Variants in NALF1 observed in about 807,000 individuals in gnomAD.
NALF1 encodes NALCN channel auxiliary factor 1.
Under a neutral mutation model 48.4 loss-of-function variants are expected in NALF1, and 3 were observed. The observed-to-expected ratio is 0.06, with a 90% confidence interval of 0.03 to 0.16. The LOEUF (loss-of-function observed/expected upper bound fraction) is 0.16. Among genes scored for constraint, NALF1 ranks in the 10% least tolerant of loss-of-function variants. NALF1 has a pLI of 1.00. For missense variants in NALF1, 526 were observed against 571.5 expected, an observed-to-expected ratio of 0.92 and a Z score of 0.81; for synonymous variants, 262 against 245.7, an observed-to-expected ratio of 1.07 and a Z score of -0.62.
In NALF1 at chr13:107,642,508, G is replaced by A. The variant is rs535042797; in HGVS notation, c.915+223174C>T. 2.0e-5 allele frequency among the ~76,000 whole-genome samples: 3 copies of A among 152,266 alleles called. No individual in the cohort carries two copies. The South Asian group carries it at 6.2e-4, about 32-fold the overall frequency. ...ACATTGCATGTTGCTGAGCTGAAAT[G>A]GTCTATTTTGTTTATTCACAACAAT... On this transcript the variant is annotated intron_variant, in intron 1 of 2. Coordinates refer to ENST00000375915, the MANE Select transcript of NALF1 (RefSeq NM_001080396.3).
chr13:107,835,871 G>C (rs956012761), intron 1 of NALF1, among the ~76,000 whole-genome samples: 1 of 152,108 alleles, frequency 6.6e-6, no homozygotes, highest in African/African-American at 2.4e-5. Context: ...ATCGGGGTGA[G>C]AGAAGATTAA....
At chr13:107,194,604 T>C (rs928305376) in intron 2 of NALF1, among the ~76,000 whole-genome samples, 32 of 152,146 alleles carry the variant, frequency 2.1e-4, no homozygotes, top group Non-Finnish European at 4.1e-4. Flanking sequence ...ATCTAAAACC[T>C]GAAACCACAA....
At chr13:107,179,737 G>C (rs1879023433) in intron 2 of NALF1, among the ~76,000 whole-genome samples, 1 of 151,364 alleles carries the variant, frequency 6.6e-6, no homozygotes, top group Non-Finnish European at 1.5e-5. Flanking sequence ...TGAGATCAAG[G>C]TGTGGGCAGG....
intron 1 of NALF1, among the ~76,000 whole-genome samples, chr13:107,835,793 T>C (rs1215998189): frequency 1.3e-5 from 2 of 152,266 alleles, no homozygotes; most frequent in East Asian, 3.9e-4. Flanking sequence ...GGGTTTCGCA[T>C]TCTTATTTTA....
At chr13:107,416,962 C>T (rs1053522469) in intron 1 of NALF1, among the ~76,000 whole-genome samples, 3 of 152,212 alleles carry the variant, frequency 2.0e-5, no homozygotes, top group Admixed American at 6.5e-5. Flanking sequence ...GACTTCCCCT[C>T]TCCAGTGAGG....
intron 1 of NALF1, among the ~76,000 whole-genome samples, chr13:107,358,463 C>T (rs1456747806): frequency 6.6e-6 from 1 of 152,072 alleles, no homozygotes; most frequent in East Asian, 1.9e-4. Context: ...ATATTTTTAA[C>T]CTCATTTATT....
At chr13:107,623,049 A>T (rs1194681156) in intron 1 of NALF1, among the ~76,000 whole-genome samples, 3 of 152,200 alleles carry the variant, frequency 2.0e-5, no homozygotes, top group Non-Finnish European at 4.4e-5. Flanking sequence ...TTCCCACGAC[A>T]TGCTCTTAAG....
chr13:107,442,040 T>C (rs940778278), intron 1 of NALF1, among the ~76,000 whole-genome samples: 4 of 152,214 alleles, frequency 2.6e-5, no homozygotes, highest in African/African-American at 9.7e-5. Context: ...CAAAATAGGA[T>C]GGATTGCCCC....
intron 1 of NALF1, among the ~76,000 whole-genome samples, chr13:107,478,247 G>T (rs535562536): frequency 6.6e-6 from 1 of 152,188 alleles, no homozygotes; most frequent in South Asian, 2.1e-4. Context: ...GTGCATTTTT[G>T]ATGTGAACAG....
chr13:107,559,256 A>C (rs2138391872), intron 1 of NALF1, among the ~76,000 whole-genome samples: 1 of 152,318 alleles, frequency 6.6e-6, no homozygotes, highest in African/African-American at 2.4e-5. Flanking sequence ...TGCATGGTAT[A>C]AAAGACACAG....
At chr13:107,367,634 C>G (rs955143480) in intron 1 of NALF1, among the ~76,000 whole-genome samples, 9 of 152,180 alleles carry the variant, frequency 5.9e-5, no homozygotes, top group African/African-American at 2.2e-4. Flanking sequence ...CAGGCTGCCC[C>G]GCAGATTTCC....
At chr13:107,480,196 G>T (rs1885233504) in intron 1 of NALF1, among the ~76,000 whole-genome samples, 1 of 152,066 alleles carries the variant, frequency 6.6e-6, no homozygotes, top group Admixed American at 6.6e-5. Flanking sequence ...TTTTATAGTT[G>T]AGGCCAGATG....
At chr13:107,465,316 TATATA>T (rs1884983340) in intron 1 of NALF1, among the ~76,000 whole-genome samples, 3 of 8,006 alleles carry the variant, frequency 3.7e-4, no homozygotes, top group African/African-American at 7.8e-4. Flanking sequence ...TGTATAATTA[TATATA>T]TATATATATA....
At chr13:107,512,812 C>T (rs1306874224) in intron 1 of NALF1, among the ~76,000 whole-genome samples, 1 of 152,102 alleles carries the variant, frequency 6.6e-6, no homozygotes, top group Non-Finnish European at 1.5e-5. Context: ...TGACATGGGA[C>T]ACTGGTGGGC....
chr13:107,675,714 G>A (rs74112536), intron 1 of NALF1, among the ~76,000 whole-genome samples: 2,559 of 152,168 alleles, frequency 0.017, 69 homozygotes, highest in African/African-American at 0.058. Flanking sequence ...TATCACCAAC[G>A]TTTTAAATAC....
At chr13:107,735,356 G>A (rs1037524803) in intron 1 of NALF1, among the ~76,000 whole-genome samples, 3 of 152,190 alleles carry the variant, frequency 2.0e-5, no homozygotes, top group African/African-American at 7.2e-5. Context: ...ATGGTTGGAT[G>A]AGTAAAATAA....
At position 107,395,690 on chromosome 13, in the gene NALF1, C is replaced by T. The variant is rs183573564; in HGVS notation, c.916-184935G>A. Among the ~76,000 whole-genome samples the T allele has an allele frequency of 4.2e-3, 645 of 152,240 alleles. 9 individuals are homozygous for T. Among genetic ancestry groups the T allele is most frequent in the Admixed American group, 0.03 (458 of 15,268 alleles). ...GACTTCAAAAACAGAAATTAATTTTCTAACAGTTCTTGCGGCTGGAAATCA... is the reference window on the plus strand; with the variant it reads ...GACTTCAAAAACAGAAATTAATTTTTTAACAGTTCTTGCGGCTGGAAATCA... On this transcript the variant is annotated intron_variant, in intron 1 of 2. Transcript: ENST00000375915.
At chr13:107,735,463 T>C (rs2138539419) in intron 1 of NALF1, among the ~76,000 whole-genome samples, 1 of 152,332 alleles carries the variant, frequency 6.6e-6, no homozygotes, top group Non-Finnish European at 1.5e-5. Flanking sequence ...TAGCTCTCTT[T>C]ATCCAGGAAG....
intron 1 of NALF1, among the ~76,000 whole-genome samples, chr13:107,814,425 T>C (rs1173864570): frequency 2.0e-5 from 3 of 152,252 alleles, no homozygotes; most frequent in Admixed American, 2.0e-4. Flanking sequence ...TAATGCAGTA[T>C]CTGCAGGAGA....
Sources: allele counts gnomAD v4.1 joint callset (sites outside exome capture counted in the v4.1 genomes callset), GRCh38; gene constraint gnomAD v4.1.1; transcripts MANE v1.5; gene names NCBI Gene and HGNC (gene_info 2026-07-23, HGNC 2026-07-21).